Variants in ARID5A observed in about 807,000 individuals in gnomAD.
ARID5A encodes the protein AT-rich interaction domain 5A.
In ARID5A, 14 loss-of-function variants were observed where a neutral mutation model predicts 30.5. That is an observed-to-expected ratio of 0.46 (90% CI 0.30 to 0.72). The LOEUF (loss-of-function observed/expected upper bound fraction) is 0.72. ARID5A is among the 30% of genes least tolerant of loss of function. ARID5A has a pLI of 0.07. For missense variants in ARID5A, 669 were observed against 786.2 expected (o/e 0.85, Z 1.78); for synonymous variants, 338 against 340.4 (o/e 0.99, Z 0.08).
chr2:96,538,931 C>A (rs1169980599), intron 1 of ARID5A, among the ~76,000 whole-genome samples: 1 of 152,182 alleles, frequency 6.6e-6, no homozygotes, highest in Non-Finnish European at 1.5e-5. Flanking sequence ...CTCCAGCAGA[C>A]CCTTAAACTT....
rs761510345 is a variant in ARID5A at position 96,550,723 on chromosome 2, G to A, written c.560G>A (p.Arg187His). 2 of 1,573,892 alleles carry A rather than the reference G, an allele frequency of 1.3e-6. No individual in the cohort carries two copies. Among genetic ancestry groups the A allele is most frequent in the Non-Finnish European group, 1.7e-6 (2 of 1,160,878 alleles). ...ERPKKAKEER[R>H]MDQMMPGKTK... ...CCGAAGAAGGCCAAGGAGGAGCGGC[G>A]CATGGACCAGGTAGGCCTGCGGCTG... The change falls in exon 6 of 7, where the codon CGC becomes CAC. Residue 187 changes from arginine to histidine, a missense_variant. This residue lies in a region of ARID5A where 548 missense variants were observed against 577.4 expected (regional missense o/e 0.95). Coordinates refer to ENST00000357485, the MANE Select transcript of ARID5A (RefSeq NM_212481.3). The surrounding 1 kb of genome is among the most constrained non-coding windows in gnomAD (Gnocchi z 6.6).
At position 96,550,162 on chromosome 2, in the gene ARID5A, C is replaced by T. The variant is rs1241029991; in HGVS notation, c.313-26C>T. ...CCGCCGCCAGGGGGCGCCCGCCGGC[C>T]GCGCCCTCACGAGGTGCCCTTGCAG... is the stretch of plus-strand genomic sequence containing the variant. On this transcript the variant is annotated intron_variant, in intron 4 of 6. Coordinates refer to ENST00000357485, the MANE Select transcript of ARID5A (RefSeq NM_212481.3). This position sits in a 1 kb window ranked among gnomAD's most constrained non-coding sequence, Gnocchi z 6.6. The T allele has an allele frequency of 1.3e-6, 2 of 1,532,462 alleles. No individual in the cohort carries two copies. The highest frequency in any genetic ancestry group is 2.5e-5 in the East Asian group (1 of 40,442). 94.9% of individuals were successfully genotyped at this position (1,532,462 alleles called of 1,614,324 possible). A position where few individuals can be genotyped will look rare whatever the true frequency, so the allele number is the denominator to read the frequency against.
At position 96,549,472 on chromosome 2, in the gene ARID5A, G is replaced by A. The variant is rs779051231; in HGVS notation, c.259+13G>A. The A allele has an allele frequency of 5.6e-6, 9 of 1,610,196 alleles. No homozygotes were observed. In the Admixed American group the frequency reaches 1.3e-4, roughly 24 times the overall value. ...GGCTTCAAGCAGAGTGCGTCCCTGGGGTGCAGGCAGGGAGGGGGGCCCAGC... is the reference window on the plus strand; with the variant it reads ...GGCTTCAAGCAGAGTGCGTCCCTGGAGTGCAGGCAGGGAGGGGGGCCCAGC... On this transcript the variant is annotated intron_variant, in intron 3 of 6. Transcript: ENST00000357485. This position sits in a 1 kb window ranked among gnomAD's most constrained non-coding sequence, Gnocchi z 6.1.
chr2:96,540,838 T>A (rs1290717519), intron 1 of ARID5A, among the ~76,000 whole-genome samples: 1 of 152,112 alleles, frequency 6.6e-6, no homozygotes, highest in African/African-American at 2.4e-5. Context: ...CTCCACCTCC[T>A]GGGTTCAAGC....
At chr2:96,536,852 C>T in intron 1 of ARID5A, 22 bp downstream of exon 1, 1 of 1,226,230 alleles carries the variant, frequency 8.2e-7, no homozygotes, top group Non-Finnish European at 1.0e-6. Flanking sequence ...TGCGGCGCGG[C>T]CCGGACAGGG....
Position 96,551,183 on chromosome 2 carries a change from C to T in ARID5A, c.655C>T (p.Gln219Ter). ...QEPPRNSTEQQGLASGSSVSF... is the reference protein window; with the variant it reads ...QEPPRNSTEQ ...GCCCCCCAGGAACAGCACAGAACAG[C>T]AGGGCCTGGCCTCTGGGTCTTCTGT... The change falls in exon 7 of 7, where the codon CAG becomes TAG. Residue 219 changes from glutamine (Q) to a stop codon, truncating the protein, a stop_gained. Coordinates refer to ENST00000357485, the MANE Select transcript of ARID5A (RefSeq NM_212481.3). LOFTEE classifies it low-confidence loss of function (END_TRUNC). 2 of 1,614,020 alleles carry T rather than the reference C, an allele frequency of 1.2e-6. No homozygotes were observed. The highest frequency in any genetic ancestry group is 1.1e-5 in the South Asian group (1 of 91,088).
In ARID5A at chr2:96,550,341, G is replaced by T; in HGVS notation, c.410+56G>T. On this transcript the variant is annotated intron_variant, in intron 5 of 6. Coordinates refer to ENST00000357485, the MANE Select transcript of ARID5A (RefSeq NM_212481.3). This position sits in a 1 kb window ranked among gnomAD's most constrained non-coding sequence, Gnocchi z 6.6. ...CCGCCTACCCTGCGGGGCTTTGGCC[G>T]ACCTTGCCGGGAGGGCCGGGTGGAC... The T allele has an allele frequency of 1.4e-6, 2 of 1,422,412 alleles. No homozygotes were observed. The highest frequency in any genetic ancestry group is 1.5e-5 in the South Asian group (1 of 66,054). The allele number at this position is 1,422,412 out of a possible 1,614,324, so 88.1% of individuals were successfully genotyped here.
intron 1 of ARID5A, among the ~76,000 whole-genome samples, chr2:96,538,594 A>C (rs1275667137): frequency 6.6e-6 from 1 of 152,110 alleles, no homozygotes; most frequent in East Asian, 1.9e-4. Context: ...CCCTCCCCAA[A>C]CTGCTGGAGC....
chr2:96,552,501 G>A lies in ARID5A; in HGVS notation c.*188G>A. 6.5e-7 allele frequency: 1 copy of A among 1,535,120 alleles called. No homozygotes were observed. Among genetic ancestry groups the A allele is most frequent in the Non-Finnish European group, 8.7e-7 (1 of 1,146,364 alleles). ...TGGGTTTATCTCAAGGCAGCAGCCTGAGCCCAGGAGCAGAGGACCCAGTTG... is the reference window on the plus strand; with the variant it reads ...TGGGTTTATCTCAAGGCAGCAGCCTAAGCCCAGGAGCAGAGGACCCAGTTG... On this transcript the variant is annotated 3_prime_UTR_variant, in exon 7 of 7. Transcript: ENST00000357485.
chr2:96,547,377 T>G, intron 1 of ARID5A, 25 bp from the exon 2 acceptor site: 1 of 1,602,536 alleles, frequency 6.2e-7, no homozygotes, highest in Non-Finnish European at 8.5e-7. Context: ...CCCTTCCTCC[T>G]TACTCCTTCC....
chr2:96,549,177 C>A lies in ARID5A; in HGVS notation c.121-144C>A. On this transcript the variant is annotated intron_variant, in intron 2 of 6. Coordinates refer to ENST00000357485, the MANE Select transcript of ARID5A (RefSeq NM_212481.3). This position sits in a 1 kb window ranked among gnomAD's most constrained non-coding sequence, Gnocchi z 6.1. ...TGCCGAACCCAGGAACAGTCACTCC[C>A]TCCCAGAACAGTGGCTAGGTGTTCT... 2 of 1,456,084 alleles carry A rather than the reference C, an allele frequency of 1.4e-6. No individual in the cohort carries two copies. The highest frequency in any genetic ancestry group is 9.2e-7 in the Non-Finnish European group (1 of 1,085,946). 90.2% of individuals were successfully genotyped at this position (1,456,084 alleles called of 1,614,324 possible).
rs1573177213 is a variant in ARID5A at position 96,537,518 on chromosome 2, C to G, written c.4+688C>G. 1 of 152,514 alleles carries G rather than the reference C, an allele frequency of 6.6e-6. No homozygotes were observed. Among genetic ancestry groups the G allele is most frequent in the South Asian group, 2.1e-4 (1 of 4,834 alleles). The allele number at this position is 152,514 out of a possible 1,614,324, so 9.4% of individuals were successfully genotyped here. A position where few individuals can be genotyped will look rare whatever the true frequency, so the allele number is the denominator to read the frequency against. On this transcript the variant is annotated intron_variant, in intron 1 of 6. Coordinates refer to ENST00000357485, the MANE Select transcript of ARID5A (RefSeq NM_212481.3). The surrounding 1 kb of genome is among the most constrained non-coding windows in gnomAD (Gnocchi z 4.8). Reference sequence around the variant, plus strand: ...TTTCCTCTCCTGTCTCTCCGCCCACCCGCCGCAGCCCCACAGGAGAGGGGT... The same window carrying G: ...TTTCCTCTCCTGTCTCTCCGCCCACGCGCCGCAGCCCCACAGGAGAGGGGT...
At position 96,550,652 on chromosome 2, in the gene ARID5A, C is replaced by A; in HGVS notation, c.489C>A (p.Tyr163Ter). The A allele has an allele frequency of 6.2e-7, 1 of 1,607,076 alleles. No homozygotes were observed. The highest frequency in any genetic ancestry group is 8.5e-7 in the Non-Finnish European group (1 of 1,177,416). Residue 163 changes from tyrosine (Y) to a stop codon, truncating the protein, a stop_gained, in exon 6 of 7, where the codon TAC (tyrosine) becomes TAA (stop). Transcript: ENST00000357485. LOFTEE classifies it high-confidence loss of function. This position sits in a 1 kb window ranked among gnomAD's most constrained non-coding sequence, Gnocchi z 6.6. ...PLPTSKPRKQ[Y>*]KMAKENRGDD... Reference sequence around the variant, plus strand: ...CCACCTCCAAGCCCAGGAAACAGTACAAGATGGCTAAGGAGAACAGGGGGG... The same window carrying A: ...CCACCTCCAAGCCCAGGAAACAGTAAAAGATGGCTAAGGAGAACAGGGGGG...
In ARID5A at chr2:96,549,727, G is replaced by C. The variant is rs920092987; in HGVS notation, c.260-26G>C. ...GTCCCCACCTCCCACAGAGACTGAC[G>C]GCCAGCCTGCTCTTCTCTCCCCCAG... On this transcript the variant is annotated intron_variant, in intron 3 of 6. Transcript: ENST00000357485. This position sits in a 1 kb window ranked among gnomAD's most constrained non-coding sequence, Gnocchi z 6.1. The C allele has an allele frequency of 6.2e-7, 1 of 1,613,908 alleles. No individual in the cohort carries two copies. The highest frequency in any genetic ancestry group is 1.1e-5 in the South Asian group (1 of 91,070).
At position 96,550,273 on chromosome 2, in the gene ARID5A, G is replaced by A; in HGVS notation, c.398G>A (p.Arg133His). 1 of 1,469,714 alleles carries A rather than the reference G, an allele frequency of 6.8e-7. No homozygotes were observed. 91.0% of individuals were successfully genotyped at this position (1,469,714 alleles called of 1,614,324 possible). ...GSTSAATCTR[R>H]HYERLVLPYV... Reference sequence around the variant, plus strand: ...ACCAGCGCGGCCACGTGCACGCGCCGCCACTACGAGAGGTACGGCGGGGCG... The same window carrying A: ...ACCAGCGCGGCCACGTGCACGCGCCACCACTACGAGAGGTACGGCGGGGCG... The change falls in exon 5 of 7, where the codon CGC becomes CAC. Residue 133 changes from arginine (R) to histidine (H), a missense_variant. Physicochemically the swap from Arg to His is conservative, Grantham distance 29 (BLOSUM62 0). Transcript: ENST00000357485. This position sits in a 1 kb window ranked among gnomAD's most constrained non-coding sequence, Gnocchi z 6.6.
Position 96,549,291 on chromosome 2 carries a change from C to G in ARID5A, c.121-30C>G, listed in dbSNP as rs1164505419. ...CCAGCAGCCAGCCACCAACTGGGGC[C>G]CATCCCAATGCCTCCTGTTCTCTCC... On this transcript the variant is annotated intron_variant, in intron 2 of 6. Coordinates refer to ENST00000357485, the MANE Select transcript of ARID5A (RefSeq NM_212481.3). The surrounding 1 kb of genome is among the most constrained non-coding windows in gnomAD (Gnocchi z 6.1). 1 of 1,600,702 alleles carries G rather than the reference C, an allele frequency of 6.2e-7. No homozygotes were observed.
In ARID5A at chr2:96,549,365, G is replaced by T. The variant is rs1466967946; in HGVS notation, c.165G>T (p.Arg55=). ...AGGEREEEQE[R]EEEQAFLVSL... ...GGGAGCGGGAGGAGGAGCAGGAGCG[G>T]GAGGAGGAGCAGGCCTTCCTGGTCA... Residue 55 remains arginine, a synonymous_variant, in exon 3 of 7, where the codon CGG becomes CGT. Transcript: ENST00000357485. This position sits in a 1 kb window ranked among gnomAD's most constrained non-coding sequence, Gnocchi z 6.1. 1.2e-6 allele frequency: 2 copies of T among 1,613,796 alleles called. No individual in the cohort carries two copies. The highest frequency in any genetic ancestry group is 2.2e-5 in the South Asian group (2 of 91,066).
Position 96,551,560 on chromosome 2 carries a change from C to T in ARID5A, c.1032C>T (p.Phe344=). The T allele has an allele frequency of 1.9e-6, 3 of 1,602,476 alleles. No homozygotes were observed. The highest frequency in any genetic ancestry group is 1.1e-5 in the South Asian group (1 of 89,390). Residue 344 remains phenylalanine, a synonymous_variant, in exon 7 of 7, where the codon TTC becomes TTT. Coordinates refer to ENST00000357485, the MANE Select transcript of ARID5A (RefSeq NM_212481.3). The part of the protein sequence containing the change: ...CPAAPIFKGC[F]YTHPTEVLKP... ...CAGCCCCCATCTTCAAGGGCTGCTT[C>T]TACACCCACCCCACCGAGGTGCTGA...
Position 96,551,812 on chromosome 2 carries a change from C to A in ARID5A, c.1284C>A (p.Ser428Arg). ...CCATGGCCAAGGTCCCAGCCGAGAGCCCCACGCTCCCGCCCACCTTCCCCA... is the reference window on the plus strand; with the variant it reads ...CCATGGCCAAGGTCCCAGCCGAGAGACCCACGCTCCCGCCCACCTTCCCCA... ...VSPMAKVPAESPTLPPTFPSS... is the reference protein window; with the variant it reads ...VSPMAKVPAERPTLPPTFPSS... The change falls in exon 7 of 7, where the codon AGC becomes AGA. Residue 428 changes from serine (S) to arginine (R), a missense_variant. Ser to Arg is a moderately radical substitution (Grantham distance 110, BLOSUM62 -1). This residue lies in a region of ARID5A where 548 missense variants were observed against 577.4 expected (regional missense o/e 0.95). Coordinates refer to ENST00000357485, the MANE Select transcript of ARID5A (RefSeq NM_212481.3). 1.3e-6 allele frequency: 2 copies of A among 1,591,324 alleles called. No homozygotes were observed.
Sources: gnomAD v4.1 joint callset for allele counts (sites outside exome capture counted in the v4.1 genomes callset) on GRCh38, gnomAD v4.1.1 for gene constraint, gnomAD v4.1.1 regional missense constraint, Gnocchi (gnomAD v3.1) non-coding constraint, MANE v1.5 for transcripts, NCBI Gene and HGNC (gene_info 2026-07-23, HGNC 2026-07-21) for gene names.